Variants in NALCN observed in about 807,000 individuals in gnomAD.
NALCN encodes sodium leak channel NALCN.
NALCN carries 111 observed loss-of-function variants against 225.3 expected under a neutral mutation model. That is an observed-to-expected ratio of 0.49 (90% confidence interval 0.42 to 0.58). The LOEUF is 0.58. NALCN is among the 20% of genes least tolerant of loss of function. The probability of loss-of-function intolerance (pLI) is 0.00; values close to 1 mark genes in which losing one functional copy is unlikely to be tolerated. For synonymous variants in NALCN, 764 were observed against 769.0 expected (o/e 0.99, Z 0.11); for missense variants, 1,378 against 2,202.4 (o/e 0.63, Z 7.49).
rs2031042608 is a variant in NALCN, at chr13:101,055,021, A to G, written c.*274T>C. 2 of 434,030 alleles carry G rather than the reference A, an allele frequency of 4.6e-6. No individual in the cohort carries two copies. The highest frequency in any genetic ancestry group is 8.2e-6 in the Non-Finnish European group (2 of 243,566). The allele number at this position is 434,030 out of a possible 1,614,324, so 26.9% of individuals were successfully genotyped here. On this transcript the variant is annotated 3_prime_UTR_variant, in exon 44 of 44. Coordinates refer to ENST00000251127, the MANE Select transcript of NALCN (RefSeq NM_052867.4). ...ACCTTAGTTTACGCAGACAGAATATATGACATTTTTAAGTGATATACATTT... is the reference window on the plus strand; with the variant it reads ...ACCTTAGTTTACGCAGACAGAATATGTGACATTTTTAAGTGATATACATTT...
intron 13 of NALCN, among the ~76,000 whole-genome samples, chr13:101,202,548 T>C (rs1281490527): frequency 6.6e-6 from 1 of 152,130 alleles, no homozygotes; most frequent in Non-Finnish European, 1.5e-5. Flanking sequence ...AAATTCCATC[T>C]CTCTGTCTTT....
At chr13:101,384,050 C>T (rs894964150) in intron 3 of NALCN, among the ~76,000 whole-genome samples, 4 of 152,098 alleles carry the variant, frequency 2.6e-5, no homozygotes, top group Admixed American at 2.0e-4. Context: ...ATCAAATTAT[C>T]GTCAGAAGCC....
At chr13:101,364,344 A>G (rs964691436) in intron 6 of NALCN, among the ~76,000 whole-genome samples, 5 of 152,148 alleles carry the variant, frequency 3.3e-5, no homozygotes, top group African/African-American at 4.8e-5. Flanking sequence ...GGATAAATGG[A>G]TAAAGAAAAT....
chr13:101,268,709 T>A (rs756121765), intron 10 of NALCN, among the ~76,000 whole-genome samples: 3 of 152,204 alleles, frequency 2.0e-5, no homozygotes, highest in Non-Finnish European at 2.9e-5. Flanking sequence ...TCAGTTAAAG[T>A]AAGAAATATT....
At position 101,415,822 on chromosome 13, in the gene NALCN, C is replaced by T. The variant is rs540188855; in HGVS notation, c.-40+491G>A. 1.7e-3 allele frequency among the ~76,000 whole-genome samples: 264 copies of T among 152,122 alleles called. 1 individual carries two copies. Among genetic ancestry groups the T allele is most frequent in the Middle Eastern group, 3.4e-3 (1 of 294 alleles). On this transcript the variant is annotated intron_variant, in intron 1 of 43. Coordinates refer to ENST00000251127, the MANE Select transcript of NALCN (RefSeq NM_052867.4). ...AGGCTGCCCACCCCCACCTCCCCAC[C>T]CGCGCGTTGGCCCAGAGGTTTACCC...
intron 11 of NALCN, among the ~76,000 whole-genome samples, chr13:101,249,777 C>A (rs1031315903): frequency 4.6e-5 from 7 of 152,000 alleles, no homozygotes; most frequent in African/African-American, 1.7e-4. Context: ...TCTATAAAAA[C>A]CTACAAATGA....
chr13:101,159,917 GAGA>G (rs1303498457), intron 15 of NALCN, among the ~76,000 whole-genome samples: 1 of 151,952 alleles, frequency 6.6e-6, no homozygotes, highest in Non-Finnish European at 1.5e-5. Flanking sequence ...GTTAGTGAGA[GAGA>G]AGGTTTTTTT....
At chr13:101,263,607 T>C (rs2042502639) in intron 10 of NALCN, among the ~76,000 whole-genome samples, 1 of 152,224 alleles carries the variant, frequency 6.6e-6, no homozygotes, top group Non-Finnish European at 1.5e-5. Context: ...AAATTGGTTT[T>C]GTAACTGTCA....
chr13:101,349,793 C>G (rs1223515582), intron 6 of NALCN, among the ~76,000 whole-genome samples: 3 of 152,156 alleles, frequency 2.0e-5, no homozygotes, highest in African/African-American at 7.2e-5. Context: ...GTTGTAGAGT[C>G]TTAGAGCTAC....
At chr13:101,225,360 A>T (rs570700179) in intron 13 of NALCN, among the ~76,000 whole-genome samples, 1 of 152,250 alleles carries the variant, frequency 6.6e-6, no homozygotes, top group East Asian at 1.9e-4. Context: ...CCTCCGTTGG[A>T]CTAGTTCCTC....
At position 101,191,856 on chromosome 13, in the gene NALCN, T is replaced by A. The variant is rs957239408; in HGVS notation, c.1764+61A>T. ...TGAAATTGACAATAGGCCAAATATCTGTTGATGTTCATCCCATTATAAATT... is the reference window on the plus strand; with the variant it reads ...TGAAATTGACAATAGGCCAAATATCAGTTGATGTTCATCCCATTATAAATT... On this transcript the variant is annotated intron_variant, in intron 14 of 43. Coordinates refer to ENST00000251127, the MANE Select transcript of NALCN (RefSeq NM_052867.4). 37 of 1,543,842 alleles carry A rather than the reference T, an allele frequency of 2.4e-5. No individual in the cohort carries two copies. The African/African-American group carries it at 4.6e-4, about 19-fold the overall frequency.
In NALCN at chr13:101,124,616, T is replaced by C; in HGVS notation, c.2184A>G (p.Lys728=). 6.2e-7 allele frequency: 1 copy of C among 1,613,778 alleles called. No homozygotes were observed. The highest frequency in any genetic ancestry group is 8.5e-7 in the Non-Finnish European group (1 of 1,179,806). Residue 728 remains lysine, a synonymous_variant, in exon 18 of 44, where the codon AAA becomes AAG. Transcript: ENST00000251127. ...NLLEKETAVT[K]ILRACTRQRM... ...ACATTAATTGGTGTTACCTTAAGAT[T>C]TTAGTGACTGCGGTCTCCTTTTCCA...
rs2047707333 is a variant in NALCN, at chr13:101,409,151, A to C, written c.-40+7162T>G. Among the ~76,000 whole-genome samples, 3 of 152,150 alleles carry C rather than the reference A, an allele frequency of 2.0e-5. No individual in the cohort carries two copies. The South Asian group carries it at 6.2e-4, about 32-fold the overall frequency. ...GATTCAGTACACACCACAATGCCCC[A>C]ATGCCCTTTTGTCATTGCACCCTGC... On this transcript the variant is annotated intron_variant, in intron 1 of 43. Transcript: ENST00000251127.
intron 1 of NALCN, among the ~76,000 whole-genome samples, chr13:101,415,125 C>T (rs2047898008): frequency 6.8e-6 from 1 of 147,496 alleles, no homozygotes; most frequent in African/African-American, 2.6e-5. Flanking sequence ...GCATCTGCCT[C>T]AGGGGTAACT....
intron 2 of NALCN, 52 bp downstream of exon 2, chr13:101,398,965 TCA>T: frequency 2.7e-6 from 3 of 1,127,862 alleles, no homozygotes; most frequent in Non-Finnish European, 4.0e-6. Context: ...AATTTGTCAA[TCA>T]CATTTATCTC....
intron 7 of NALCN, among the ~76,000 whole-genome samples, chr13:101,343,830 T>C (rs2045633132): frequency 6.6e-6 from 1 of 152,216 alleles, no homozygotes; most frequent in South Asian, 2.1e-4. Context: ...ATGAATCAAC[T>C]TGAATATAAT....
chr13:101,080,766 T>C (rs1389212045), intron 34 of NALCN, among the ~76,000 whole-genome samples: 1 of 122,190 alleles, frequency 8.2e-6, no homozygotes, highest in African/African-American at 2.9e-5. Flanking sequence ...TAATTAATTA[T>C]TATTTATTTA....
At chr13:101,063,078 G>A (rs1052654708) in intron 40 of NALCN, among the ~76,000 whole-genome samples, 1 of 152,196 alleles carries the variant, frequency 6.6e-6, no homozygotes, top group Non-Finnish European at 1.5e-5. Context: ...ACCACCAGAG[G>A]AGAAGACAGC....
chr13:101,087,595 G>A (rs78823498), intron 30 of NALCN, among the ~76,000 whole-genome samples: 1,698 of 151,862 alleles, frequency 0.011, 31 homozygotes, highest in African/African-American at 0.039. Context: ...ATAATTTCTT[G>A]TCAATTTCTC....
Sources: gnomAD v4.1 joint callset for allele counts (sites outside exome capture counted in the v4.1 genomes callset) on GRCh38, gnomAD v4.1.1 for gene constraint, MANE v1.5 for transcripts, NCBI Gene and HGNC (gene_info 2026-07-23, HGNC 2026-07-21) for gene names.